Variants in PTPRD observed in about 807,000 individuals in gnomAD.
PTPRD encodes the protein protein tyrosine phosphatase receptor type D, also known as receptor-type tyrosine-protein phosphatase delta.
PTPRD carries 34 observed loss-of-function variants against 214.5 expected under a neutral mutation model. That is an observed-to-expected ratio of 0.16 (90% CI 0.12 to 0.21). PTPRD has a LOEUF of 0.21. Ranked by LOEUF, PTPRD falls within the 10% of genes least tolerant of loss-of-function variation. The pLI is 1.00. For synonymous variants in PTPRD, 1,128 were observed against 845.7 expected (o/e 1.33, Z -5.79); for missense variants, 2,545 against 2,398.7 (o/e 1.06, Z -1.27).
At chr9:9,577,994 C>A (rs1451831289) in intron 7 of PTPRD, among the ~76,000 whole-genome samples, 1 of 124,580 alleles carries the variant, frequency 8.0e-6, no homozygotes, top group African/African-American at 3.0e-5. Flanking sequence ...TGCAGTGAGC[C>A]GAGATTGTAC....
intron 3 of PTPRD, among the ~76,000 whole-genome samples, chr9:10,293,282 T>C (rs140643631): frequency 2.0e-5 from 3 of 152,088 alleles, no homozygotes; most frequent in African/African-American, 7.2e-5. Context: ...AATCTGTACT[T>C]CATTATCTTG....
chr9:8,558,209 C>A (rs2141124573), intron 14 of PTPRD, among the ~76,000 whole-genome samples: 1 of 152,212 alleles, frequency 6.6e-6, no homozygotes, highest in Non-Finnish European at 1.5e-5. Context: ...CCTCCAGGAT[C>A]ATTAATTAGC....
At chr9:9,810,553 T>C (rs2046829918) in intron 5 of PTPRD, among the ~76,000 whole-genome samples, 1 of 151,890 alleles carries the variant, frequency 6.6e-6, no homozygotes, top group African/African-American at 2.4e-5. Flanking sequence ...CAGCAAAACT[T>C]TACCACATGG....
chr9:9,761,676 C>T (rs1447895041), intron 6 of PTPRD, among the ~76,000 whole-genome samples: 1 of 152,000 alleles, frequency 6.6e-6, no homozygotes, highest in Admixed American at 6.6e-5. Context: ...TACAGACTCT[C>T]TTATGTTTTA....
intron 8 of PTPRD, among the ~76,000 whole-genome samples, chr9:9,503,755 TCA>T (rs2096494805): frequency 6.6e-6 from 1 of 151,592 alleles, no homozygotes; most frequent in African/African-American, 2.4e-5. Context: ...GGGAGGGCCC[TCA>T]CACACACATG....
intron 12 of PTPRD, among the ~76,000 whole-genome samples, chr9:8,726,569 TAAAAAAA>T (rs764810328): frequency 5.0e-4 from 1 of 1,982 alleles, no homozygotes; most frequent in African/African-American, 3.4e-3. Flanking sequence ...CGGTCTCTAC[TAAAAAAA>T]AAAAAAAAAA....
intron 3 of PTPRD, among the ~76,000 whole-genome samples, chr9:10,108,212 A>G (rs1466597247): frequency 6.6e-6 from 1 of 152,076 alleles, no homozygotes; most frequent in African/African-American, 2.4e-5. Flanking sequence ...AAAATTGCAT[A>G]GTTTTATGGT....
chr9:9,342,729 A>G (rs1195393517), intron 9 of PTPRD, among the ~76,000 whole-genome samples: 1 of 150,790 alleles, frequency 6.6e-6, no homozygotes, highest in Non-Finnish European at 1.5e-5. Context: ...TTATTATTAT[A>G]CTTTAAGTTC....
intron 10 of PTPRD, among the ~76,000 whole-genome samples, chr9:9,160,401 C>T (rs1423056876): frequency 2.0e-5 from 3 of 152,054 alleles, no homozygotes; most frequent in African/African-American, 7.2e-5. Flanking sequence ...CAGAAGAAGA[C>T]AAACAAATAG....
intron 3 of PTPRD, among the ~76,000 whole-genome samples, chr9:10,225,629 T>C (rs924110935): frequency 6.6e-6 from 1 of 152,052 alleles, no homozygotes; most frequent in Non-Finnish European, 1.5e-5. Context: ...TCCTTGCTTT[T>C]CTCTTTTGCA....
intron 37 of PTPRD, among the ~76,000 whole-genome samples, chr9:8,386,242 A>G (rs752327123): frequency 2.0e-5 from 3 of 152,192 alleles, no homozygotes; most frequent in Non-Finnish European, 4.4e-5. Flanking sequence ...ATCTGACTGC[A>G]AAGTGCCCTA....
At chr9:9,853,957 T>G (rs1426831827) in intron 5 of PTPRD, among the ~76,000 whole-genome samples, 1 of 152,228 alleles carries the variant, frequency 6.6e-6, no homozygotes, top group Non-Finnish European at 1.5e-5. Flanking sequence ...AATCAAGGTA[T>G]TTAGCAGATT....
At chr9:9,045,934 C>T (rs1337363276) in intron 10 of PTPRD, among the ~76,000 whole-genome samples, 6 of 152,172 alleles carry the variant, frequency 3.9e-5, no homozygotes, top group African/African-American at 7.2e-5. Context: ...CTGCTGAGAT[C>T]GGTTTATCCA....
At chr9:10,094,411 A>T (rs1177369460) in intron 3 of PTPRD, among the ~76,000 whole-genome samples, 1 of 151,338 alleles carries the variant, frequency 6.6e-6, no homozygotes. Context: ...AGGCATTGAA[A>T]ATCAATTCCA....
chr9:10,115,995 G>A (rs1030612326), intron 3 of PTPRD, among the ~76,000 whole-genome samples: 1 of 152,052 alleles, frequency 6.6e-6, no homozygotes, highest in Non-Finnish European at 1.5e-5. Context: ...AAGGAGAGAT[G>A]AATGACTTAG....
chr9:9,529,417 C>A (rs1022143009), intron 8 of PTPRD, among the ~76,000 whole-genome samples: 1 of 151,736 alleles, frequency 6.6e-6, no homozygotes, highest in East Asian at 1.9e-4. Context: ...CACTAGTATA[C>A]AGGATCTTAT....
chr9:8,438,504 C>T (rs2095433629), intron 34 of PTPRD, among the ~76,000 whole-genome samples: 1 of 152,218 alleles, frequency 6.6e-6, no homozygotes, highest in East Asian at 1.9e-4. Flanking sequence ...AAATAATTTA[C>T]ATTCTATGGA....
At chr9:10,574,813 C>A (rs201111785) in intron 2 of PTPRD, among the ~76,000 whole-genome samples, 1 of 136,348 alleles carries the variant, frequency 7.3e-6, no homozygotes. Flanking sequence ...TATGTGTGTG[C>A]ATATATATAT....
At chr9:9,456,777 A>C (rs1291787873) in intron 8 of PTPRD, among the ~76,000 whole-genome samples, 1 of 151,920 alleles carries the variant, frequency 6.6e-6, no homozygotes, top group African/African-American at 2.4e-5. Context: ...AAGAGGTTAA[A>C]TAACTTCTTA....
Sources: gnomAD v4.1 joint callset for allele counts (sites outside exome capture counted in the v4.1 genomes callset) on GRCh38, gnomAD v4.1.1 for gene constraint, MANE v1.5 for transcripts, NCBI Gene and HGNC (gene_info 2026-07-23, HGNC 2026-07-21) for gene names.